The following CRX variants were observed in gnomAD, a reference collection of about 807,000 sequenced individuals.
The protein encoded by CRX is cone-rod homeobox, also known as cone-rod homeobox protein.
CRX carries 5 observed loss-of-function variants against 13.1 expected under a neutral mutation model. The ratio of observed to expected loss-of-function variants is 0.38; its 90% CI spans 0.20 to 0.80. The LOEUF is 0.80. Ranked by LOEUF, CRX falls within the 30% of genes least tolerant of loss-of-function variation. CRX has a pLI of 0.43. For missense variants in CRX, 351 were observed against 391.8 expected, an observed-to-expected ratio of 0.90 and a Z score of 0.88; for synonymous variants, 179 against 171.1, an observed-to-expected ratio of 1.05 and a Z score of -0.36.
At chr19:47,829,498 A>C (rs917604371) in intron 1 of CRX, among the ~76,000 whole-genome samples, 40 of 151,694 alleles carry the variant, frequency 2.6e-4, no homozygotes, top group African/African-American at 9.7e-4. Flanking sequence ...CGCCTGCCTA[A>C]TTTTGTATTT....
intron 1 of CRX, among the ~76,000 whole-genome samples, chr19:47,832,759 T>TA: frequency 6.6e-6 from 1 of 152,306 alleles, no homozygotes; most frequent in Non-Finnish European, 1.5e-5. Context: ...GTGCTGGGAT[T>TA]ACAGGTGTGA....
chr19:47,828,619 G>GTGTGTC (rs1361311465), intron 1 of CRX, among the ~76,000 whole-genome samples: 1 of 151,158 alleles, frequency 6.6e-6, no homozygotes. Flanking sequence ...GGGAGCGTGT[G>GTGTGTC]TGTGTGTGTG....
At chr19:47,830,832 A>T (rs1381086952) in intron 1 of CRX, among the ~76,000 whole-genome samples, 7 of 151,140 alleles carry the variant, frequency 4.6e-5, no homozygotes. Context: ...ACAGAAGTTG[A>T]TAGGTTTAGT....
intron 1 of CRX, among the ~76,000 whole-genome samples, chr19:47,826,091 G>A (rs1206904620): frequency 6.6e-6 from 1 of 152,142 alleles, no homozygotes; most frequent in Non-Finnish European, 1.5e-5. Context: ...TCCCCAGTGG[G>A]GCAGGTTCAC....
At chr19:47,833,729 C>G (rs571476394) in intron 1 of CRX, among the ~76,000 whole-genome samples, 1 of 152,242 alleles carries the variant, frequency 6.6e-6, no homozygotes, top group Admixed American at 6.6e-5. Context: ...GGTTGGTCAA[C>G]CTGCAGTCCT....
chr19:47,835,616 T>G (rs1427332678), intron 2 of CRX, among the ~76,000 whole-genome samples: 6 of 130,134 alleles, frequency 4.6e-5, no homozygotes, highest in Admixed American at 8.4e-5. Context: ...ATTCTTTAGC[T>G]CTTGTTTTTT....
chr19:47,825,595 C>T lies in CRX; in HGVS notation c.-36+3585C>T, dbSNP rs1599968418. The stretch of plus-strand genomic sequence containing the variant: ...TTGATCTGGGGCCCACACTTTCCTC[C>T]TGCTGAGCCTCCTCTCCCCTATCCG... On this transcript the variant is annotated intron_variant, in intron 1 of 3. Transcript: ENST00000221996. 2.6e-5 allele frequency among the ~76,000 whole-genome samples: 4 copies of T among 152,244 alleles called. 1 individual carries two copies. The Middle Eastern group carries it at 0.014, about 518-fold the overall frequency.
chr19:47,834,994 T>G (rs1478012380), intron 2 of CRX, among the ~76,000 whole-genome samples: 1 of 151,312 alleles, frequency 6.6e-6, no homozygotes, highest in Admixed American at 6.6e-5. Flanking sequence ...GGGCACTTTT[T>G]TTTTTTAATT....
intron 3 of CRX, 143 bp downstream of exon 3, chr19:47,836,537 A>G (rs1968120192): frequency 8.6e-7 from 1 of 1,158,302 alleles, no homozygotes; most frequent in Non-Finnish European, 1.3e-6. Flanking sequence ...TCTCCCCACC[A>G]TCCCACTGAC....
chr19:47,823,982 T>C (rs1390516784), intron 1 of CRX, among the ~76,000 whole-genome samples: 5 of 152,160 alleles, frequency 3.3e-5, no homozygotes, highest in African/African-American at 1.2e-4. Context: ...CTTTTCTCAC[T>C]GTGTGGCCTT....
intron 1 of CRX, among the ~76,000 whole-genome samples, chr19:47,831,854 T>G (rs977608141): frequency 1.6e-4 from 25 of 152,038 alleles, no homozygotes; most frequent in African/African-American, 6.0e-4. Context: ...GCGATTCTCC[T>G]GCCTCAGCCT....
intron 1 of CRX, among the ~76,000 whole-genome samples, chr19:47,832,105 G>GT (rs71180891): frequency 0.05 from 4,570 of 91,894 alleles, 813 homozygotes; most frequent in African/African-American, 0.18. Context: ...GCAGCCTTAT[G>GT]TTTTTTTTTT....
chr19:47,829,283 T>C (rs2123733470), intron 1 of CRX, among the ~76,000 whole-genome samples: 1 of 149,664 alleles, frequency 6.7e-6, no homozygotes, highest in Middle Eastern at 3.5e-3. Flanking sequence ...GCCTGGCTAA[T>C]TTTTGTATTT....
chr19:47,833,121 G>T (rs1802080585), intron 1 of CRX, among the ~76,000 whole-genome samples: 1 of 137,254 alleles, frequency 7.3e-6, no homozygotes, highest in Admixed American at 7.8e-5. Context: ...CTTTTTTTCA[G>T]AGATGGGGGT....
chr19:47,833,662 G>A (rs1184275253), intron 1 of CRX, among the ~76,000 whole-genome samples: 3 of 152,106 alleles, frequency 2.0e-5, no homozygotes, highest in Non-Finnish European at 4.4e-5. Flanking sequence ...CTCTAGCACT[G>A]AAAGTCCTGT....
chr19:47,831,287 A>G (rs1000608221), intron 1 of CRX, among the ~76,000 whole-genome samples: 83 of 141,254 alleles, frequency 5.9e-4, no homozygotes, highest in African/African-American at 2.1e-3. Context: ...AGCCTGGGCG[A>G]CAGAGCAAGA....
At chr19:47,825,784 G>A (rs1008114883) in intron 1 of CRX, among the ~76,000 whole-genome samples, 3 of 132,074 alleles carry the variant, frequency 2.3e-5, no homozygotes, top group African/African-American at 8.3e-5. Flanking sequence ...AATTAGCCAG[G>A]CATGATGGCA....
chr19:47,827,641 C>A (rs1447857285), intron 1 of CRX, among the ~76,000 whole-genome samples: 1 of 142,324 alleles, frequency 7.0e-6, no homozygotes, highest in Non-Finnish European at 1.5e-5. Context: ...CGGGTTCAAG[C>A]GATTCTCAAG....
At chr19:47,823,934 G>C (rs1325190627) in intron 1 of CRX, among the ~76,000 whole-genome samples, 1 of 152,200 alleles carries the variant, frequency 6.6e-6, no homozygotes, top group Non-Finnish European at 1.5e-5. Flanking sequence ...ACAGGCGTGA[G>C]CCACCACACC....
Sources: allele counts gnomAD v4.1 joint callset (sites outside exome capture counted in the v4.1 genomes callset), GRCh38; gene constraint gnomAD v4.1.1; transcripts MANE v1.5; gene names NCBI Gene and HGNC (gene_info 2026-07-23, HGNC 2026-07-21).